The following PRCP variants were observed in gnomAD, a reference collection of about 807,000 sequenced individuals.
The protein encoded by PRCP is lysosomal Pro-X carboxypeptidase.
A neutral mutation model predicts 54.2 loss-of-function variants in PRCP; 46 were observed. The ratio of observed to expected loss-of-function variants is 0.85; its 90% CI spans 0.67 to 1.09. PRCP has a LOEUF of 1.09. PRCP is among the 50% of genes least tolerant of loss of function. The pLI is 0.00. For synonymous variants in PRCP, 240 were observed against 212.2 expected, an observed-to-expected ratio of 1.13 and a Z score of -1.14; for missense variants, 613 against 596.8, an observed-to-expected ratio of 1.03 and a Z score of -0.28.
At chr11:82,836,914 T>A in intron 8 of PRCP, 2 of 379,286 alleles carry the variant, frequency 5.3e-6, no homozygotes, top group South Asian at 4.0e-5. Context: ...CAACTTGTAA[T>A]CAAAGGAAGA....
At chr11:82,899,946 G>T (rs1860219946) in intron 1 of PRCP, 2 of 397,828 alleles carry the variant, frequency 5.0e-6, no homozygotes, top group Non-Finnish European at 4.6e-6. Context: ...TTCGGATTGG[G>T]GCACCCTCTG....
intron 3 of PRCP, among the ~76,000 whole-genome samples, chr11:82,852,970 C>T (rs531296618): frequency 1.3e-5 from 2 of 151,750 alleles, no homozygotes; most frequent in Non-Finnish European, 2.9e-5. Context: ...GAGTTAAAAA[C>T]TGATTAACAT....
intron 1 of PRCP, among the ~76,000 whole-genome samples, chr11:82,878,130 G>A (rs1259729004): frequency 5.3e-5 from 8 of 152,070 alleles, no homozygotes; most frequent in Non-Finnish European, 7.4e-5. Context: ...CCTTTGTTTT[G>A]GCCAATCTCT....
At chr11:82,857,549 A>C (rs1018668694) in intron 2 of PRCP, among the ~76,000 whole-genome samples, 4 of 152,200 alleles carry the variant, frequency 2.6e-5, no homozygotes, top group African/African-American at 9.6e-5. Flanking sequence ...GTGGCCTCAG[A>C]ATCTGTTCTC....
intron 2 of PRCP, 27 bp downstream of exon 2, chr11:82,859,950 A>C (rs1859169911): frequency 6.5e-7 from 1 of 1,530,420 alleles, no homozygotes; most frequent in Non-Finnish European, 8.8e-7. Context: ...CAAATTGAGC[A>C]CTGGAATTTC....
chr11:82,881,465 C>T (rs113387483), intron 1 of PRCP, among the ~76,000 whole-genome samples: 2,200 of 152,134 alleles, frequency 0.014, 51 homozygotes, highest in African/African-American at 0.049. Context: ...GGACAGCCCC[C>T]GCTGGGCTGA....
chr11:82,879,134 A>G (rs879037852), intron 1 of PRCP, among the ~76,000 whole-genome samples: 3 of 152,290 alleles, frequency 2.0e-5, no homozygotes, highest in East Asian at 1.9e-4. Context: ...GTGTTTTCCA[A>G]CTTGGTTCCA....
At chr11:82,835,523 G>C (rs1407641939) in intron 8 of PRCP, 1 of 261,734 alleles carries the variant, frequency 3.8e-6, no homozygotes, top group Non-Finnish European at 7.5e-6. Context: ...CCGGGGATGA[G>C]ACAGTTTTTG....
chr11:82,875,071 C>T (rs1487663946), intron 1 of PRCP, among the ~76,000 whole-genome samples: 3 of 151,920 alleles, frequency 2.0e-5, no homozygotes, highest in Non-Finnish European at 4.4e-5. Context: ...GTTGAACACA[C>T]CATGTGTGTT....
At chr11:82,845,804 T>C (rs982591339) in intron 6 of PRCP, 1 of 152,244 alleles carries the variant, frequency 6.6e-6, no homozygotes, top group Non-Finnish European at 1.5e-5. Flanking sequence ...GTAGTTTTCA[T>C]GCTGACAGAA....
intron 1 of PRCP, among the ~76,000 whole-genome samples, chr11:82,863,188 G>A (rs1245812478): frequency 7.2e-5 from 11 of 152,304 alleles, no homozygotes; most frequent in African/African-American, 2.6e-4. Flanking sequence ...AGCCGTACAG[G>A]TGATTCTGTA....
intron 1 of PRCP, among the ~76,000 whole-genome samples, chr11:82,877,304 A>G (rs1859628627): frequency 6.6e-6 from 1 of 152,220 alleles, no homozygotes; most frequent in Admixed American, 6.5e-5. Flanking sequence ...AGAAAAACCT[A>G]TTTTCTGAGG....
chr11:82,871,114 T>C (rs562909868), intron 1 of PRCP, among the ~76,000 whole-genome samples: 3 of 152,232 alleles, frequency 2.0e-5, no homozygotes, highest in African/African-American at 7.2e-5. Context: ...TTCTGCTTTG[T>C]TAAACATAAG....
At chr11:82,897,204 T>C (rs1306402233) in intron 1 of PRCP, among the ~76,000 whole-genome samples, 2 of 151,742 alleles carry the variant, frequency 1.3e-5, no homozygotes, top group African/African-American at 4.8e-5. Context: ...GTAAAAGAAA[T>C]CAAATAGTCC....
At chr11:82,889,004 T>TAGGTGGAAGGA (rs1859934626) in intron 1 of PRCP, among the ~76,000 whole-genome samples, 1 of 149,790 alleles carries the variant, frequency 6.7e-6, no homozygotes, top group African/African-American at 2.5e-5. Context: ...AAGGCTAGAA[T>TAGGTGGAAGGA]AAGACATGTG....
intron 2 of PRCP, among the ~76,000 whole-genome samples, chr11:82,854,059 G>A (rs1195160638): frequency 6.6e-6 from 1 of 152,122 alleles, no homozygotes; most frequent in Non-Finnish European, 1.5e-5. Context: ...TACTGAATGG[G>A]CAAAAGCTGT....
Position 82,823,624 on chromosome 11 carries a change from G to A in PRCP, c.*1282C>T, listed in dbSNP as rs1458724673. The stretch of plus-strand genomic sequence containing the variant: ...GAAAATGTTCCCAAGGCAGGGTGAA[G>A]AAAAAAAAATTATTGAGAGAAAATG... On this transcript the variant is annotated 3_prime_UTR_variant, in exon 9 of 9. Transcript: ENST00000313010. The A allele has an allele frequency of 6.6e-6, 1 of 150,576 alleles. No individual in the cohort carries two copies. The highest frequency in any genetic ancestry group is 1.5e-5 in the Non-Finnish European group (1 of 67,578). The allele number at this position is 150,576 out of a possible 1,614,324, so 9.3% of individuals were successfully genotyped here.
At chr11:82,857,034 C>CAA (rs11388763) in intron 2 of PRCP, among the ~76,000 whole-genome samples, 27,632 of 118,572 alleles carry the variant, frequency 0.23, 4,018 homozygotes, top group African/African-American at 0.36. Flanking sequence ...GCCTCTGTCT[C>CAA]AAAAAAAAAA....
chr11:82,892,044 A>G (rs1382559727), intron 1 of PRCP, among the ~76,000 whole-genome samples: 1 of 152,210 alleles, frequency 6.6e-6, no homozygotes, highest in Non-Finnish European at 1.5e-5. Flanking sequence ...TTAGAAGTGA[A>G]TCTACTAGTG....
Sources: gnomAD v4.1 joint callset for allele counts (sites outside exome capture counted in the v4.1 genomes callset) on GRCh38, gnomAD v4.1.1 for gene constraint, MANE v1.5 for transcripts, NCBI Gene and HGNC (gene_info 2026-07-23, HGNC 2026-07-21) for gene names.